BLTP3A: variants seen among roughly 807,000 people sequenced by gnomAD.
The protein encoded by BLTP3A is ICBP90 binding protein 1.
the BLTP3A span, among the ~76,000 whole-genome samples, chr6:34,816,890 C>G: frequency 0.44 from 66,605 of 152,022 alleles, 16,391 homozygotes; most frequent in African/African-American, 0.67. Flanking sequence ...TACTTCTGAA[C>G]TATGCCCTGC....
chr6:34,816,545 C>T, the BLTP3A span, among the ~76,000 whole-genome samples: 2 of 151,976 alleles, frequency 1.3e-5, no homozygotes, highest in African/African-American at 4.8e-5. Flanking sequence ...CCCAGGAGGT[C>T]GAGGCTGCAG....
chr6:34,867,172 A>T, the BLTP3A span: 1 of 1,539,168 alleles, frequency 6.5e-7, no homozygotes, highest in Non-Finnish European at 8.7e-7. Context: ...TAGAGGTTGG[A>T]TTTGAACAGA....
the BLTP3A span, among the ~76,000 whole-genome samples, chr6:34,802,090 C>T: frequency 2.9e-4 from 44 of 152,140 alleles, no homozygotes; most frequent in East Asian, 7.7e-3. Context: ...GAGGGAAGAT[C>T]GTTTTGAACT....
At chr6:34,795,023 G>A in the BLTP3A span, among the ~76,000 whole-genome samples, 10 of 151,860 alleles carry the variant, frequency 6.6e-5, no homozygotes, top group Non-Finnish European at 1.2e-4. Context: ...TCCTGACCTC[G>A]TGATCCACCT....
chr6:34,861,630 A>G, the BLTP3A span, among the ~76,000 whole-genome samples: 11 of 152,232 alleles, frequency 7.2e-5, no homozygotes, highest in Non-Finnish European at 1.3e-4. Context: ...TATAATATCC[A>G]CAAATACTGT....
At chr6:34,847,258 C>T in the BLTP3A span, among the ~76,000 whole-genome samples, 1 of 151,118 alleles carries the variant, frequency 6.6e-6, no homozygotes, top group African/African-American at 2.4e-5. Context: ...AGAACACTTT[C>T]ATGTAGGAAG....
the BLTP3A span, among the ~76,000 whole-genome samples, chr6:34,854,176 A>G: frequency 6.6e-6 from 1 of 152,134 alleles, no homozygotes; most frequent in Non-Finnish European, 1.5e-5. Flanking sequence ...GAGCAGAGTT[A>G]GTGCCACCGC....
chr6:34,835,116 CT>C, the BLTP3A span, among the ~76,000 whole-genome samples: 2 of 151,140 alleles, frequency 1.3e-5, no homozygotes, highest in African/African-American at 4.9e-5. Context: ...TTGACTATTG[CT>C]TTTTTTTTAA....
the BLTP3A span, among the ~76,000 whole-genome samples, chr6:34,793,388 G>C: frequency 6.6e-6 from 1 of 152,200 alleles, no homozygotes; most frequent in East Asian, 1.9e-4. Context: ...TTTTCAGGAG[G>C]TAGGGGTGAG....
the BLTP3A span, among the ~76,000 whole-genome samples, chr6:34,794,961 T>C: frequency 6.6e-6 from 1 of 151,820 alleles, no homozygotes; most frequent in Non-Finnish European, 1.5e-5. Flanking sequence ...ATTTTTTTTT[T>C]GTATTTTAGT....
the BLTP3A span, among the ~76,000 whole-genome samples, chr6:34,829,199 C>G: frequency 6.6e-6 from 1 of 152,110 alleles, no homozygotes; most frequent in African/African-American, 2.4e-5. Context: ...TGACCACAAT[C>G]AATTTTAGAA....
chr6:34,815,086 A>C, the BLTP3A span, among the ~76,000 whole-genome samples: 4 of 152,148 alleles, frequency 2.6e-5, no homozygotes, highest in Non-Finnish European at 5.9e-5. Flanking sequence ...TGCATACCTC[A>C]TGTGGGATAT....
chr6:34,867,043 C>G, the BLTP3A span, among the ~76,000 whole-genome samples: 1 of 152,076 alleles, frequency 6.6e-6, no homozygotes. Flanking sequence ...TGTCATTACA[C>G]TTTAAAAAAT....
At chr6:34,816,169 C>T in the BLTP3A span, among the ~76,000 whole-genome samples, 2 of 152,176 alleles carry the variant, frequency 1.3e-5, no homozygotes, top group Non-Finnish European at 2.9e-5. Flanking sequence ...TTAGCACTTA[C>T]TTAGTATAAT....
At chr6:34,824,286 A>G in the BLTP3A span, among the ~76,000 whole-genome samples, 1 of 152,014 alleles carries the variant, frequency 6.6e-6, no homozygotes, top group Admixed American at 6.6e-5. Flanking sequence ...TAATCCCAGC[A>G]CTTTGGGAGG....
At chr6:34,845,895 C>T in the BLTP3A span, among the ~76,000 whole-genome samples, 107 of 151,902 alleles carry the variant, frequency 7.0e-4, 3 homozygotes, top group East Asian at 0.02. Context: ...CCGCGCCCGG[C>T]CTAATTTTTA....
the BLTP3A span, chr6:34,856,886 C>G: frequency 1.2e-6 from 2 of 1,614,184 alleles, no homozygotes; most frequent in Non-Finnish European, 1.7e-6. Flanking sequence ...CGCTTACGCT[C>G]TAGCTGCATG....
At chr6:34,813,009 C>A in the BLTP3A span, among the ~76,000 whole-genome samples, 1 of 152,140 alleles carries the variant, frequency 6.6e-6, no homozygotes, top group Non-Finnish European at 1.5e-5. Flanking sequence ...GCTTAGAAGC[C>A]AAGGCTCTGG....
chr6:34,809,811 C>T, the BLTP3A span, among the ~76,000 whole-genome samples: 1 of 152,130 alleles, frequency 6.6e-6, no homozygotes, highest in Non-Finnish European at 1.5e-5. Context: ...CTGCCTTGGC[C>T]TCCCAAATTG....
Sources: gnomAD v4.1 joint callset for allele counts (sites outside exome capture counted in the v4.1 genomes callset) on GRCh38, gnomAD v4.1.1 for gene constraint, MANE v1.5 for transcripts, NCBI Gene and HGNC (gene_info 2026-07-23, HGNC 2026-07-21) for gene names.